The following ALKBH4 variants were observed in gnomAD, a reference collection of about 807,000 sequenced individuals.
ALKBH4 encodes alkB homolog 4, lysine demethylase, also known as alpha-ketoglutarate-dependent dioxygenase alkB homolog 4.
Under a neutral mutation model 12.1 loss-of-function variants are expected in ALKBH4, and 8 were observed. The observed-to-expected ratio is 0.66, with a 90% CI of 0.39 to 1.19. ALKBH4 has a LOEUF of 1.19. Ranked by LOEUF, ALKBH4 falls within the 50% of genes most tolerant of loss-of-function variation. The pLI is 0.01. For missense variants in ALKBH4, 403 were observed against 430.4 expected (o/e 0.94, Z 0.56); for synonymous variants, 195 against 191.6 (o/e 1.02, Z -0.15).
At chr7:102,462,955 CTTTTTTTTT>C (rs200495061) in intron 1 of ALKBH4, among the ~76,000 whole-genome samples, 10,289 of 121,920 alleles carry the variant, frequency 0.084, 1,023 homozygotes, top group East Asian at 0.48. Context: ...TCAAAATGTC[CTTTTTTTTT>C]TTTTTTTTTT....
At chr7:102,463,555 C>G (rs923773835) in intron 1 of ALKBH4, among the ~76,000 whole-genome samples, 1 of 151,888 alleles carries the variant, frequency 6.6e-6, no homozygotes, top group Non-Finnish European at 1.5e-5. Context: ...GTCTCAAACT[C>G]CTGACCTCAG....
At chr7:102,460,147 CAAAA>C (rs55976687) in intron 1 of ALKBH4, among the ~76,000 whole-genome samples, 40 of 133,330 alleles carry the variant, frequency 3.0e-4, no homozygotes, top group South Asian at 1.7e-3. Flanking sequence ...GAGTGAGACT[CAAAA>C]AAAAAAAAAA....
intron 2 of ALKBH4, 75 bp downstream of exon 2, chr7:102,459,528 AG>A (rs1716581569): frequency 2.7e-6 from 4 of 1,500,370 alleles, no homozygotes; most frequent in Admixed American, 2.1e-5. Context: ...GGCTGCAAGG[AG>A]GGGGATGGCC....
At chr7:102,460,091 T>C (rs537010284) in intron 1 of ALKBH4, among the ~76,000 whole-genome samples, 26 of 151,360 alleles carry the variant, frequency 1.7e-4, no homozygotes, top group South Asian at 1.0e-3. Context: ...AAGGCAGAGG[T>C]TGCAGTGAGC....
intron 1 of ALKBH4, among the ~76,000 whole-genome samples, chr7:102,460,360 C>T (rs1385732343): frequency 6.7e-6 from 1 of 149,378 alleles, no homozygotes; most frequent in Non-Finnish European, 1.5e-5. Context: ...AGGAAAGACA[C>T]ATCCTGGAGC....
intron 1 of ALKBH4, 50 bp downstream of exon 1, chr7:102,464,664 C>T: frequency 1.3e-6 from 2 of 1,482,338 alleles, no homozygotes; most frequent in Non-Finnish European, 1.8e-6. Context: ...CCTCAGTTTC[C>T]CCAGATGCAG....
chr7:102,457,541 A>G lies in ALKBH4; in HGVS notation c.762T>C (p.His254=). ...CCTCGATGTGTCTGCGGTGGATGGC[A>G]TGCTTCCACTGGTGCCGTGCCGCCC... The part of the protein sequence containing the change: ...LTGAARHQWK[H]AIHRRHIEAR... Residue 254 remains histidine, a synonymous_variant, in exon 3 of 3, where the codon CAT becomes CAC. Coordinates refer to ENST00000292566, the MANE Select transcript of ALKBH4 (RefSeq NM_017621.4). The surrounding 1 kb of genome is among the most constrained non-coding windows in gnomAD (Gnocchi z 5.9). 10 of 1,612,292 alleles carry G rather than the reference A, an allele frequency of 6.2e-6. No individual in the cohort carries two copies. The highest frequency in any genetic ancestry group is 8.5e-6 in the Non-Finnish European group (10 of 1,179,900).
chr7:102,460,140 T>C (rs1215104579), intron 1 of ALKBH4, among the ~76,000 whole-genome samples: 3 of 127,884 alleles, frequency 2.3e-5, no homozygotes, highest in East Asian at 2.2e-4. Flanking sequence ...GGCGACAGAG[T>C]GAGACTCAAA....
intron 1 of ALKBH4, among the ~76,000 whole-genome samples, chr7:102,464,490 C>T (rs1476866752): frequency 6.6e-6 from 1 of 152,160 alleles, no homozygotes; most frequent in Non-Finnish European, 1.5e-5. Flanking sequence ...GGCAGATCCC[C>T]CCAGAGTCCC....
chr7:102,459,810 G>C lies in ALKBH4; in HGVS notation c.124-9C>G. On this transcript the variant is annotated splice_polypyrimidine_tract_variant and intron_variant, in intron 1 of 2. Transcript: ENST00000292566. ...ATGAAACGGTATGTTTTCTGCAAAA[G>C]AAACACAAGTCCACAGGCTGGGCAA... The C allele has an allele frequency of 6.3e-7, 1 of 1,582,784 alleles. No homozygotes were observed. The highest frequency in any genetic ancestry group is 8.6e-7 in the Non-Finnish European group (1 of 1,163,338).
At chr7:102,458,593 T>C (rs1214068018) in intron 2 of ALKBH4, among the ~76,000 whole-genome samples, 1 of 151,090 alleles carries the variant, frequency 6.6e-6, no homozygotes, top group Non-Finnish European at 1.5e-5. Flanking sequence ...ATAATAATTA[T>C]CTGGGCTTGG....
At position 102,457,040 on chromosome 7, in the gene ALKBH4, G is replaced by A; in HGVS notation, c.*354C>T. 5.5e-6 allele frequency: 1 copy of A among 180,246 alleles called. No individual in the cohort carries two copies. The highest frequency in any genetic ancestry group is 1.2e-5 in the Non-Finnish European group (1 of 86,492). 11.2% of individuals were successfully genotyped at this position (180,246 alleles called of 1,614,324 possible). A position where few individuals can be genotyped will look rare whatever the true frequency, so the allele number is the denominator to read the frequency against. On this transcript the variant is annotated 3_prime_UTR_variant, in exon 3 of 3. Transcript: ENST00000292566. The surrounding 1 kb of genome is among the most constrained non-coding windows in gnomAD (Gnocchi z 5.9). ...GACGGGTTTTCACCGTGTTGGCCAG[G>A]CTGGTCTCGAACTCCTGGCATCAAG...
At chr7:102,459,246 G>T (rs1797737618) in intron 2 of ALKBH4, among the ~76,000 whole-genome samples, 1 of 152,044 alleles carries the variant, frequency 6.6e-6, no homozygotes, top group African/African-American at 2.4e-5. Flanking sequence ...CGGGCCCGGG[G>T]AGGGGGAAGG....
chr7:102,459,735 C>A lies in ALKBH4; in HGVS notation c.190G>T (p.Glu64Ter). 1 of 1,614,074 alleles carries A rather than the reference C, an allele frequency of 6.2e-7. No homozygotes were observed. The highest frequency in any genetic ancestry group is 8.5e-7 in the Non-Finnish European group (1 of 1,179,972). ...WAVGTEESDF[E>*]GWAFPFPGVM... Reference sequence around the variant, plus strand: ...CCTGGGAAGGGGAAGGCCCAGCCCTCAAAGTCAGACTCCTCTGTGCCCACG... The same window carrying A: ...CCTGGGAAGGGGAAGGCCCAGCCCTAAAAGTCAGACTCCTCTGTGCCCACG... Residue 64 changes from glutamate (E) to a stop codon, truncating the protein, a stop_gained, in exon 2 of 3, where the codon GAG (glutamate) becomes TAG (stop). Transcript: ENST00000292566. LOFTEE classifies it high-confidence loss of function.
Position 102,457,325 on chromosome 7 carries a change from C to T in ALKBH4, c.*69G>A. On this transcript the variant is annotated 3_prime_UTR_variant, in exon 3 of 3. Coordinates refer to ENST00000292566, the MANE Select transcript of ALKBH4 (RefSeq NM_017621.4). This position sits in a 1 kb window ranked among gnomAD's most constrained non-coding sequence, Gnocchi z 5.9. The stretch of plus-strand genomic sequence containing the variant: ...TCTTCTCTTGAAACCCCGTGAGTTG[C>T]AGGAGGCCCTGTTCTGTGCTCCTCA... 1 of 1,499,640 alleles carries T rather than the reference C, an allele frequency of 6.7e-7. No homozygotes were observed. Among genetic ancestry groups the T allele is most frequent in the Non-Finnish European group, 9.1e-7 (1 of 1,100,240 alleles). The allele number at this position is 1,499,640 out of a possible 1,614,324, so 92.9% of individuals were successfully genotyped here.
chr7:102,464,685 G>C (rs1378098547), intron 1 of ALKBH4, 29 bp downstream of exon 1: 1 of 1,495,662 alleles, frequency 6.7e-7, no homozygotes, highest in Non-Finnish European at 8.9e-7. Flanking sequence ...AGCGACGTTT[G>C]TGGGCGCGGC....
At chr7:102,464,646 A>G in intron 1 of ALKBH4, 68 bp downstream of exon 1, 2 of 1,456,104 alleles carry the variant, frequency 1.4e-6, no homozygotes, top group Non-Finnish European at 1.8e-6. Context: ...TATCATGGCC[A>G]AGCTGGACCT....
Position 102,457,713 on chromosome 7 carries a change from G to A in ALKBH4, c.590C>T (p.Ala197Val), listed in dbSNP as rs1797687030. 7.1e-6 allele frequency: 11 copies of A among 1,557,000 alleles called. No individual in the cohort carries two copies. The highest frequency in any genetic ancestry group is 1.7e-4 in the Middle Eastern group (1 of 5,948). The part of the protein sequence containing the change: ...SPTVLSMCRE[A>V]PGSLLLCSAP... The stretch of plus-strand genomic sequence containing the variant: ...CGAGCAGAGGAGCAGGCTCCCGGGC[G>A]CCTCCCGACACATGGACAGCACGGT... The change falls in exon 3 of 3, where the codon GCG (alanine) becomes GTG (valine). Residue 197 changes from alanine to valine, a missense_variant. Coordinates refer to ENST00000292566, the MANE Select transcript of ALKBH4 (RefSeq NM_017621.4). The surrounding 1 kb of genome is among the most constrained non-coding windows in gnomAD (Gnocchi z 5.9).
Position 102,463,322 on chromosome 7 carries a change from C to CTTTT in ALKBH4, c.123+1388_123+1391dup, listed in dbSNP as rs71106683. On this transcript the variant is annotated intron_variant, in intron 1 of 2. Transcript: ENST00000292566. ...CCACATTTTGTGGATCAAGTCATCT[C>CTTTT]TTTTTTTTTTTTTTTTTTTTTTTTT... Among the ~76,000 whole-genome samples the CTTTT allele has an allele frequency of 9.6e-3, 558 of 58,312 alleles. 47 individuals carry two copies. The highest frequency in any genetic ancestry group is 0.011 in the Non-Finnish European group (377 of 34,462). The allele number at this position is 58,312 out of a possible 152,430, so 38.3% of individuals were successfully genotyped here.
Sources: allele counts gnomAD v4.1 joint callset (sites outside exome capture counted in the v4.1 genomes callset), GRCh38; gene constraint gnomAD v4.1.1; non-coding constraint Gnocchi (gnomAD v3.1); transcripts MANE v1.5; gene names NCBI Gene and HGNC (gene_info 2026-07-23, HGNC 2026-07-21).